SNTG1: variants seen among roughly 807,000 people sequenced by gnomAD.
SNTG1 encodes syntrophin gamma 1.
A neutral mutation model predicts 74.7 loss-of-function variants in SNTG1; 39 were observed. That is an observed-to-expected ratio of 0.52 (90% CI 0.40 to 0.68). SNTG1 has a LOEUF of 0.68. Among genes scored for constraint, SNTG1 ranks in the 30% least tolerant of loss-of-function variants. The pLI, the probability that SNTG1 is intolerant of heterozygous loss-of-function variation, is 0.00. For synonymous variants in SNTG1, 254 were observed against 217.1 expected, an observed-to-expected ratio of 1.17 and a Z score of -1.49; for missense variants, 685 against 609.5, an observed-to-expected ratio of 1.12 and a Z score of -1.30.
chr8:50,056,149 T>C (rs916369315), intron 1 of SNTG1, among the ~76,000 whole-genome samples: 5 of 152,138 alleles, frequency 3.3e-5, no homozygotes, highest in African/African-American at 1.2e-4. Flanking sequence ...ATGACCTTCT[T>C]GTTTCCCCGG....
At chr8:50,320,916 T>C (rs2090504355) in intron 2 of SNTG1, among the ~76,000 whole-genome samples, 1 of 152,138 alleles carries the variant, frequency 6.6e-6, no homozygotes, top group Admixed American at 6.5e-5. Context: ...TTTTAAGACC[T>C]GTTTTGTGGC....
chr8:50,617,535 T>C (rs1271978729), intron 13 of SNTG1, among the ~76,000 whole-genome samples: 2 of 152,162 alleles, frequency 1.3e-5, no homozygotes, highest in Non-Finnish European at 2.9e-5. Flanking sequence ...ATTGTACTCT[T>C]GAAGCAGAAT....
intron 8 of SNTG1, among the ~76,000 whole-genome samples, chr8:50,468,616 C>A (rs553819903): frequency 1.9e-3 from 290 of 152,096 alleles, no homozygotes; most frequent in Middle Eastern, 0.01. Flanking sequence ...ATATTTATAC[C>A]ATTCAAATAT....
chr8:50,030,710 A>G (rs1449071757), intron 1 of SNTG1, among the ~76,000 whole-genome samples: 1 of 152,008 alleles, frequency 6.6e-6, no homozygotes, highest in Non-Finnish European at 1.5e-5. Context: ...ATCTATTGTC[A>G]ATGCCTCCAC....
chr8:50,083,290 G>A (rs1031452822), intron 1 of SNTG1, among the ~76,000 whole-genome samples: 4 of 152,102 alleles, frequency 2.6e-5, no homozygotes, highest in African/African-American at 9.7e-5. Flanking sequence ...TTGAGGGGAA[G>A]ATTTGTCAAG....
chr8:50,106,008 T>C (rs908652539), intron 1 of SNTG1, among the ~76,000 whole-genome samples: 10 of 152,182 alleles, frequency 6.6e-5, no homozygotes, highest in Non-Finnish European at 1.5e-4. Context: ...TCTTCCTATT[T>C]GGATGCCTTT....
intron 1 of SNTG1, among the ~76,000 whole-genome samples, chr8:49,947,139 A>C (rs2129385315): frequency 6.6e-6 from 1 of 152,170 alleles, no homozygotes; most frequent in Middle Eastern, 3.4e-3. Context: ...GTCTCTACTA[A>C]AAATACAAAA....
rs916075166 is a variant in SNTG1, at chr8:50,089,030, A to C, written c.-102-83531A>C. Among the ~76,000 whole-genome samples the C allele has an allele frequency of 7.2e-5, 11 of 151,744 alleles. 1 individual carries two copies. The highest frequency in any genetic ancestry group is 2.4e-4 in the African/African-American group (10 of 41,466). On this transcript the variant is annotated intron_variant, in intron 1 of 18. Transcript: ENST00000642720. ...ATACTACAAGGCTACAGTAACCAAA[A>C]CAGCATGGTACTGGTACCAAAACAG... is the stretch of plus-strand genomic sequence containing the variant.
chr8:50,473,645 C>T (rs1475324283), intron 8 of SNTG1, among the ~76,000 whole-genome samples: 2 of 151,962 alleles, frequency 1.3e-5, no homozygotes, highest in Non-Finnish European at 2.9e-5. Context: ...TTCACAATAA[C>T]CAAGAAGTGG....
chr8:49,924,666 G>C (rs1806856100), intron 1 of SNTG1, among the ~76,000 whole-genome samples: 1 of 151,760 alleles, frequency 6.6e-6, no homozygotes. Context: ...CATTAATTAT[G>C]TTTTATTTCA....
At chr8:50,176,224 C>T (rs1174792030) in intron 2 of SNTG1, among the ~76,000 whole-genome samples, 1 of 152,292 alleles carries the variant, frequency 6.6e-6, no homozygotes, top group East Asian at 1.9e-4. Flanking sequence ...CTCTGTGTCA[C>T]AAGTTGCAGC....
chr8:50,096,658 CAT>C (rs2079940108), intron 1 of SNTG1, among the ~76,000 whole-genome samples: 2 of 152,098 alleles, frequency 1.3e-5, no homozygotes, highest in Admixed American at 1.3e-4. Flanking sequence ...CAAGATATAA[CAT>C]ATTTCTGAAC....
intron 4 of SNTG1, among the ~76,000 whole-genome samples, chr8:50,436,015 T>C (rs1380460256): frequency 1.3e-5 from 2 of 152,196 alleles, no homozygotes; most frequent in African/African-American, 4.8e-5. Context: ...CAGTATGCAT[T>C]TAGCTATTGA....
Position 50,245,004 on chromosome 8 carries a change from T to A in SNTG1, c.-28+72369T>A, listed in dbSNP as rs2086330301. ...GTAAATGCCATTTTTACATTTTTTT[T>A]CCATTATCATTCTTGCAACAAAAGT... On this transcript the variant is annotated intron_variant, in intron 2 of 18. Transcript: ENST00000642720. Among the ~76,000 whole-genome samples the A allele has an allele frequency of 2.0e-5, 3 of 152,204 alleles. 1 individual carries two copies. The highest frequency in any genetic ancestry group is 7.2e-5 in the African/African-American group (3 of 41,464).
At chr8:50,286,538 G>A (rs1001018668) in intron 2 of SNTG1, 1 of 152,178 alleles carries the variant, frequency 6.6e-6, no homozygotes, top group African/African-American at 2.4e-5. Context: ...TTTGTATTAG[G>A]AGGAATTCCA....
chr8:49,974,931 G>A (rs1012780369), intron 1 of SNTG1, among the ~76,000 whole-genome samples: 7 of 152,050 alleles, frequency 4.6e-5, no homozygotes, highest in Non-Finnish European at 7.4e-5. Flanking sequence ...ACTTCTCTGT[G>A]ACTAACATTC....
intron 8 of SNTG1, among the ~76,000 whole-genome samples, chr8:50,476,029 C>T (rs2093694852): frequency 6.6e-6 from 1 of 151,972 alleles, no homozygotes; most frequent in African/African-American, 2.4e-5. Context: ...CTTGAATTAT[C>T]CCTCTGTCCA....
intron 2 of SNTG1, among the ~76,000 whole-genome samples, chr8:50,373,070 T>C (rs865936207): frequency 6.6e-6 from 1 of 152,220 alleles, no homozygotes; most frequent in Admixed American, 6.5e-5. Flanking sequence ...AGAAATTATC[T>C]ACAGAGAACA....
chr8:50,347,278 C>G (rs2091508863), intron 2 of SNTG1, among the ~76,000 whole-genome samples: 1 of 152,188 alleles, frequency 6.6e-6, no homozygotes, highest in South Asian at 2.1e-4. Context: ...GTCAACTCTG[C>G]CTGTGCTCAA....
Sources: gnomAD v4.1 joint callset for allele counts (sites outside exome capture counted in the v4.1 genomes callset) on GRCh38, gnomAD v4.1.1 for gene constraint, MANE v1.5 for transcripts, NCBI Gene and HGNC (gene_info 2026-07-23, HGNC 2026-07-21) for gene names.